Variants in THSD7A observed in about 807,000 individuals in gnomAD.
THSD7A encodes thrombospondin type 1 domain containing 7A.
Under a neutral mutation model 231.3 loss-of-function variants are expected in THSD7A, and 96 were observed. The ratio of observed to expected loss-of-function variants is 0.41; its 90% CI spans 0.35 to 0.49. The LOEUF (loss-of-function observed/expected upper bound fraction) is 0.49. THSD7A is among the 20% of genes least tolerant of loss of function. THSD7A has a pLI of 0.05. For synonymous variants in THSD7A, 940 were observed against 743.3 expected, an observed-to-expected ratio of 1.26 and a Z score of -4.30; for missense variants, 2,290 against 2,070.2, an observed-to-expected ratio of 1.11 and a Z score of -2.06.
intron 8 of THSD7A, among the ~76,000 whole-genome samples, chr7:11,470,382 T>C (rs1044823512): frequency 6.0e-4 from 91 of 152,080 alleles, no homozygotes; most frequent in African/African-American, 2.1e-3. Flanking sequence ...CATATTTGTA[T>C]GACTAGGCCT....
At chr7:11,492,875 G>C (rs1786956665) in intron 6 of THSD7A, among the ~76,000 whole-genome samples, 1 of 152,200 alleles carries the variant, frequency 6.6e-6, no homozygotes, top group East Asian at 1.9e-4. Context: ...CTGCAGCTGA[G>C]TAAATCACAG....
At chr7:11,510,245 A>G (rs981909431) in intron 6 of THSD7A, among the ~76,000 whole-genome samples, 3 of 152,200 alleles carry the variant, frequency 2.0e-5, no homozygotes, top group African/African-American at 7.2e-5. Context: ...ATCCCTGAAT[A>G]GACCAACAAC....
rs1782223881 is a variant in THSD7A, at chr7:11,375,364, G to A, written c.*430C>T. The A allele has an allele frequency of 6.4e-6, 1 of 155,518 alleles. No homozygotes were observed. The allele number at this position is 155,518 out of a possible 1,614,324, so 9.6% of individuals were successfully genotyped here. ...GACATAATGTGTGTCATTCAACTGA[G>A]TACACATGTTAATTTGACCATAGTA... On this transcript the variant is annotated 3_prime_UTR_variant, in exon 28 of 28. Transcript: ENST00000423059.
At chr7:11,695,890 G>A (rs1267532022) in intron 1 of THSD7A, among the ~76,000 whole-genome samples, 3 of 151,510 alleles carry the variant, frequency 2.0e-5, no homozygotes, top group African/African-American at 4.8e-5. Flanking sequence ...AGATTGAAGC[G>A]GACGTGACTT....
chr7:11,823,917 C>T (rs911063753), intron 1 of THSD7A, among the ~76,000 whole-genome samples: 3 of 151,874 alleles, frequency 2.0e-5, no homozygotes, highest in South Asian at 2.1e-4. Flanking sequence ...AACTGTGCGA[C>T]GTACACCAAG....
intron 2 of THSD7A, among the ~76,000 whole-genome samples, chr7:11,604,358 G>A (rs1780668055): frequency 6.6e-6 from 1 of 152,090 alleles, no homozygotes; most frequent in Admixed American, 6.6e-5. Context: ...GTACCGTGTT[G>A]AGTTTTACCT....
At chr7:11,554,115 C>A (rs1367811397) in intron 4 of THSD7A, among the ~76,000 whole-genome samples, 2 of 151,954 alleles carry the variant, frequency 1.3e-5, no homozygotes, top group African/African-American at 4.8e-5. Flanking sequence ...GATATTATTA[C>A]AATCAATGTA....
At chr7:11,603,249 T>G (rs1199925913) in intron 2 of THSD7A, among the ~76,000 whole-genome samples, 1 of 151,714 alleles carries the variant, frequency 6.6e-6, no homozygotes, top group African/African-American at 2.4e-5. Context: ...AAAGAAGACA[T>G]TTATGCAGCC....
chr7:11,716,893 A>G (rs113651742), intron 1 of THSD7A, among the ~76,000 whole-genome samples: 2 of 151,658 alleles, frequency 1.3e-5, no homozygotes, highest in African/African-American at 4.8e-5. Flanking sequence ...AAAACACAGA[A>G]CCCAGAAAAC....
intron 6 of THSD7A, among the ~76,000 whole-genome samples, chr7:11,505,145 A>G (rs770613306): frequency 1.2e-4 from 18 of 152,214 alleles, no homozygotes; most frequent in Non-Finnish European, 2.6e-4. Flanking sequence ...GAAGCTTTAG[A>G]GGATGAAAAA....
Position 11,370,441 on chromosome 7 carries a change from T to A in THSD7A, c.*5353A>T, listed in dbSNP as rs983143041. ...AAAACACAGATACACATGATTAGAA[T>A]GAAAATGATTTCCGTATTTATGTTT... On this transcript the variant is annotated 3_prime_UTR_variant, in exon 28 of 28. Coordinates refer to ENST00000423059, the MANE Select transcript of THSD7A (RefSeq NM_015204.3). 2 of 152,178 alleles carry A rather than the reference T, an allele frequency of 1.3e-5. No homozygotes were observed. The highest frequency in any genetic ancestry group is 4.8e-5 in the African/African-American group (2 of 41,434). The allele number at this position is 152,178 out of a possible 1,614,324, so 9.4% of individuals were successfully genotyped here.
chr7:11,509,159 T>C (rs939774643), intron 6 of THSD7A, among the ~76,000 whole-genome samples: 3 of 152,224 alleles, frequency 2.0e-5, no homozygotes, highest in Non-Finnish European at 4.4e-5. Flanking sequence ...TATTAACTTT[T>C]AAATTTAACT....
intron 1 of THSD7A, among the ~76,000 whole-genome samples, chr7:11,714,612 C>T (rs1294509997): frequency 1.3e-5 from 2 of 151,182 alleles, no homozygotes; most frequent in East Asian, 2.0e-4. Flanking sequence ...CTTTCTCACC[C>T]TTGTTTTCTT....
At chr7:11,385,621 T>A (rs147491609) in intron 23 of THSD7A, 1 of 151,732 alleles carries the variant, frequency 6.6e-6, no homozygotes, top group African/African-American at 2.4e-5. Context: ...AATTATTTGG[T>A]TATCTTTGTA....
At chr7:11,622,387 T>C (rs981548960) in intron 2 of THSD7A, among the ~76,000 whole-genome samples, 2 of 152,126 alleles carry the variant, frequency 1.3e-5, no homozygotes, top group African/African-American at 4.8e-5. Flanking sequence ...CATGTTTTCC[T>C]CAGCCATTAT....
intron 1 of THSD7A, among the ~76,000 whole-genome samples, chr7:11,740,071 C>A (rs1248756919): frequency 6.6e-6 from 1 of 151,938 alleles, no homozygotes; most frequent in Admixed American, 6.6e-5. Flanking sequence ...TTCTAATGAT[C>A]AAAGATTCAA....
At chr7:11,460,268 A>T (rs556901899) in intron 11 of THSD7A, among the ~76,000 whole-genome samples, 1 of 152,330 alleles carries the variant, frequency 6.6e-6, no homozygotes, top group Non-Finnish European at 1.5e-5. Flanking sequence ...ATGTATGCAC[A>T]TATATAATGC....
intron 4 of THSD7A, among the ~76,000 whole-genome samples, chr7:11,567,382 C>T (rs1790398816): frequency 6.6e-6 from 1 of 152,116 alleles, no homozygotes; most frequent in African/African-American, 2.4e-5. Flanking sequence ...AAAAAAACCG[C>T]CGTCATGATT....
In THSD7A at chr7:11,590,325, A is replaced by G. The variant is rs1780102593; in HGVS notation, c.1453+135T>C. 2 of 790,378 alleles carry G rather than the reference A, an allele frequency of 2.5e-6. No individual in the cohort carries two copies. Among genetic ancestry groups the G allele is most frequent in the African/African-American group, 1.8e-5 (1 of 56,666 alleles). The allele number at this position is 790,378 out of a possible 1,614,324, so 49.0% of individuals were successfully genotyped here. On this transcript the variant is annotated intron_variant, in intron 4 of 27. Transcript: ENST00000423059. This position sits in a 1 kb window ranked among gnomAD's most constrained non-coding sequence, Gnocchi z 4.4. ...ACCATAATGTGGATTACTGTTTACC[A>G]TAGTGAATACCAACCACAATGTGAA...
Sources: allele counts gnomAD v4.1 joint callset (sites outside exome capture counted in the v4.1 genomes callset), GRCh38; gene constraint gnomAD v4.1.1; non-coding constraint Gnocchi (gnomAD v3.1); transcripts MANE v1.5; gene names NCBI Gene and HGNC (gene_info 2026-07-23, HGNC 2026-07-21).